XIRP2: variants seen among roughly 807,000 people sequenced by gnomAD.
XIRP2 encodes xin actin-binding repeat-containing protein 2.
A neutral mutation model predicts 277.0 loss-of-function variants in XIRP2; 236 were observed. The ratio of observed to expected loss-of-function variants is 0.85; its 90% CI spans 0.77 to 0.95. The LOEUF (loss-of-function observed/expected upper bound fraction) is 0.95. XIRP2 is among the 40% of genes least tolerant of loss of function. The probability of loss-of-function intolerance (pLI) is 0.00; values close to 1 mark genes in which losing one functional copy is unlikely to be tolerated. For synonymous variants in XIRP2, 1,490 were observed against 1,416.5 expected (o/e 1.05, Z -1.17); for missense variants, 4,640 against 4,157.5 (o/e 1.12, Z -3.19).
At position 167,239,913 on chromosome 2, in the gene XIRP2, A is replaced by G. The variant is rs754273436; in HGVS notation, c.917A>G (p.Asn306Ser). 1.2e-5 allele frequency: 20 copies of G among 1,608,726 alleles called. No individual in the cohort carries two copies. Among genetic ancestry groups the G allele is most frequent in the Middle Eastern group, 1.7e-4 (1 of 6,050 alleles). ...TSRSSQEMAR[N>S]EQEGSKVQKI... ...AGAAGCAGCCAGGAAATGGCAAGAA[A>G]TGAACAAGAAGGGTCCAAAGTACAG... The change falls in exon 6 of 11, where the codon AAT (asparagine) becomes AGT (serine). Residue 306 changes from asparagine (N) to serine (S), a missense_variant. Coordinates refer to ENST00000409195, the MANE Select transcript of XIRP2 (RefSeq NM_152381.6).
At chr2:166,939,187 C>A (rs1371337983) in intron 2 of XIRP2, among the ~76,000 whole-genome samples, 1 of 152,116 alleles carries the variant, frequency 6.6e-6, no homozygotes, top group African/African-American at 2.4e-5. Flanking sequence ...TTCCTAGCAT[C>A]GATGGTCTTT....
At chr2:167,005,019 T>C (rs940172579) in intron 2 of XIRP2, among the ~76,000 whole-genome samples, 3 of 151,808 alleles carry the variant, frequency 2.0e-5, no homozygotes, top group African/African-American at 7.3e-5. Flanking sequence ...AGCAGACAGA[T>C]CAGGCCACTA....
At chr2:167,196,412 TTGTGTGTG>T (rs71031280) in intron 3 of XIRP2, among the ~76,000 whole-genome samples, 1,870 of 141,864 alleles carry the variant, frequency 0.013, 12 homozygotes, top group Middle Eastern at 0.033. Context: ...GTCAAGAATT[TTGTGTGTG>T]TGTGTGTGTG....
At chr2:167,098,662 T>C (rs1690396081) in intron 2 of XIRP2, among the ~76,000 whole-genome samples, 1 of 152,258 alleles carries the variant, frequency 6.6e-6, no homozygotes, top group Non-Finnish European at 1.5e-5. Context: ...CATGGGCTTT[T>C]CCTCATCTTC....
Position 167,011,888 on chromosome 2 carries a change from A to G in XIRP2, c.408+107998A>G, listed in dbSNP as rs558999143. Among the ~76,000 whole-genome samples, 3 of 152,110 alleles carry G rather than the reference A, an allele frequency of 2.0e-5. No individual in the cohort carries two copies. The South Asian group carries it at 6.2e-4, about 32-fold the overall frequency. On this transcript the variant is annotated intron_variant, in intron 2 of 10. Transcript: ENST00000409195. ...GGTGTTTGTAGTATTCTCTGATGGTAGTTTGTATTTCTGTGGGATCAGTGG... is the reference window on the plus strand; with the variant it reads ...GGTGTTTGTAGTATTCTCTGATGGTGGTTTGTATTTCTGTGGGATCAGTGG...
At chr2:167,152,566 T>C (rs1692048640) in intron 3 of XIRP2, among the ~76,000 whole-genome samples, 1 of 152,094 alleles carries the variant, frequency 6.6e-6, no homozygotes, top group African/African-American at 2.4e-5. Context: ...GAACCTGGGA[T>C]AGGTAGAAAG....
chr2:167,031,800 G>A (rs772981034), intron 2 of XIRP2, among the ~76,000 whole-genome samples: 9 of 151,928 alleles, frequency 5.9e-5, no homozygotes, highest in Non-Finnish European at 1.2e-4. Context: ...AATGAAATAA[G>A]AGAGGACACA....
intron 1 of XIRP2, among the ~76,000 whole-genome samples, chr2:166,900,593 A>T (rs1319139906): frequency 6.6e-6 from 1 of 152,036 alleles, no homozygotes; most frequent in African/African-American, 2.4e-5. Context: ...TCTGCATATT[A>T]CTTATGTATT....
chr2:167,102,265 C>T (rs1323503272), intron 2 of XIRP2, among the ~76,000 whole-genome samples: 1 of 152,142 alleles, frequency 6.6e-6, no homozygotes, highest in East Asian at 1.9e-4. Flanking sequence ...AGGGTAGATG[C>T]AAGCATGAAA....
At chr2:166,986,130 G>A (rs188537530) in intron 2 of XIRP2, among the ~76,000 whole-genome samples, 120 of 152,284 alleles carry the variant, frequency 7.9e-4, no homozygotes, top group African/African-American at 2.6e-3. Flanking sequence ...AAATAAGGGC[G>A]CCACTTCATA....
In XIRP2 at chr2:167,124,213, C is replaced by G. The variant is rs146014495; in HGVS notation, c.409-11696C>G. 4.2e-4 allele frequency: 64 copies of G among 152,050 alleles called. 1 individual carries two copies. The highest frequency in any genetic ancestry group is 1.5e-3 in the African/African-American group (63 of 41,490). 9.4% of individuals were successfully genotyped at this position (152,050 alleles called of 1,614,324 possible). On this transcript the variant is annotated intron_variant, in intron 2 of 10. Transcript: ENST00000409195. ...AAAAAAAGTCTCCTTGCTTACAGAC[C>G]GTAATTTTAGGACTGATTTTGTTTC...
intron 5 of XIRP2, among the ~76,000 whole-genome samples, chr2:167,232,065 G>T (rs896748606): frequency 6.6e-6 from 1 of 151,864 alleles, no homozygotes; most frequent in African/African-American, 2.4e-5. Flanking sequence ...TCCCTTTTCT[G>T]TTTAAATCAG....
At chr2:167,015,188 T>C (rs746851898) in intron 2 of XIRP2, among the ~76,000 whole-genome samples, 24 of 151,896 alleles carry the variant, frequency 1.6e-4, no homozygotes, top group Non-Finnish European at 2.9e-4. Context: ...ATTTTTTCTC[T>C]TTTTCTTATA....
chr2:166,965,773 A>G (rs2105413430), intron 2 of XIRP2, among the ~76,000 whole-genome samples: 1 of 151,796 alleles, frequency 6.6e-6, no homozygotes, highest in East Asian at 2.0e-4. Context: ...TATAGAGACA[A>G]AGTCTCCCTA....
chr2:167,130,650 C>T (rs553839957), intron 2 of XIRP2, among the ~76,000 whole-genome samples: 5 of 151,954 alleles, frequency 3.3e-5, no homozygotes, highest in African/African-American at 1.2e-4. Flanking sequence ...TCCAGTTTAC[C>T]CTTTCTTTTC....
chr2:167,049,184 C>G (rs891716601), intron 2 of XIRP2, among the ~76,000 whole-genome samples: 2 of 151,034 alleles, frequency 1.3e-5, no homozygotes, highest in Non-Finnish European at 3.0e-5. Context: ...GTTCAAAAAG[C>G]CTTTTTTTTT....
At chr2:167,115,365 C>T (rs555644663) in intron 2 of XIRP2, among the ~76,000 whole-genome samples, 1 of 152,244 alleles carries the variant, frequency 6.6e-6, no homozygotes, top group African/African-American at 2.4e-5. Context: ...TCTGTCATTT[C>T]AACCCATTTA....
intron 2 of XIRP2, among the ~76,000 whole-genome samples, chr2:166,971,326 T>C (rs1254855160): frequency 6.6e-6 from 1 of 151,986 alleles, no homozygotes; most frequent in Non-Finnish European, 1.5e-5. Context: ...GTTGAATAAA[T>C]GAAAATTCAT....
intron 2 of XIRP2, among the ~76,000 whole-genome samples, chr2:167,120,302 A>G (rs1471814148): frequency 6.6e-6 from 1 of 152,156 alleles, no homozygotes; most frequent in Non-Finnish European, 1.5e-5. Flanking sequence ...GGAGGAAAGG[A>G]CTTGAATAAG....
Sources: allele counts gnomAD v4.1 joint callset (sites outside exome capture counted in the v4.1 genomes callset), GRCh38; gene constraint gnomAD v4.1.1; transcripts MANE v1.5; gene names NCBI Gene and HGNC (gene_info 2026-07-23, HGNC 2026-07-21).